LINGO2: variants seen among roughly 807,000 people sequenced by gnomAD.
LINGO2 encodes leucine-rich repeat and immunoglobulin-like domain-containing nogo receptor-interacting protein 2.
Under a neutral mutation model 30.6 loss-of-function variants are expected in LINGO2, and 14 were observed. The observed-to-expected ratio is 0.46, with a 90% CI of 0.30 to 0.72. The LOEUF (loss-of-function observed/expected upper bound fraction) is 0.72, where lower values mean the gene tolerates loss of function less well. Among genes scored for constraint, LINGO2 ranks in the 30% least tolerant of loss-of-function variants. The probability of loss-of-function intolerance (pLI) is 0.07; values close to 1 mark genes in which losing one functional copy is unlikely to be tolerated. For missense variants in LINGO2, 729 were observed against 751.7 expected, an observed-to-expected ratio of 0.97 and a Z score of 0.35; for synonymous variants, 317 against 288.5, an observed-to-expected ratio of 1.10 and a Z score of -1.00.
At chr9:28,179,591 C>G (rs1490792207) in intron 4 of LINGO2, among the ~76,000 whole-genome samples, 1 of 121,162 alleles carries the variant, frequency 8.3e-6, no homozygotes, top group African/African-American at 3.0e-5. Flanking sequence ...GTATTTTATA[C>G]TATATATACT....
At chr9:28,830,444 C>G in the LINGO2 span, among the ~76,000 whole-genome samples, 151 of 152,162 alleles carry the variant, frequency 9.9e-4, no homozygotes, top group Non-Finnish European at 1.8e-3. Context: ...AAATAGGAGT[C>G]ACTGAAGGCT....
chr9:28,953,686 T>C, the LINGO2 span, among the ~76,000 whole-genome samples: 2 of 152,096 alleles, frequency 1.3e-5, no homozygotes, highest in Non-Finnish European at 2.9e-5. Flanking sequence ...TAGTCTGATA[T>C]AGACATGTAT....
chr9:28,135,044 A>G (rs1409636416), intron 4 of LINGO2, among the ~76,000 whole-genome samples: 1 of 152,228 alleles, frequency 6.6e-6, no homozygotes, highest in African/African-American at 2.4e-5. Context: ...GTTCCAGTAA[A>G]ATCTTCTACA....
intron 4 of LINGO2, among the ~76,000 whole-genome samples, chr9:28,178,845 A>G (rs1828819568): frequency 6.6e-6 from 1 of 152,164 alleles, no homozygotes; most frequent in Non-Finnish European, 1.5e-5. Flanking sequence ...CAAGAAGTGA[A>G]TAGTCCAGTG....
the LINGO2 span, among the ~76,000 whole-genome samples, chr9:29,037,599 A>C: frequency 6.6e-6 from 1 of 152,026 alleles, no homozygotes; most frequent in African/African-American, 2.4e-5. Context: ...GAAGATTAAA[A>C]TATTATCCAA....
intron 3 of LINGO2, among the ~76,000 whole-genome samples, chr9:28,352,240 A>T (rs951851199): frequency 5.3e-5 from 8 of 151,834 alleles, no homozygotes; most frequent in African/African-American, 1.7e-4. Flanking sequence ...ATGATTGTAT[A>T]TCTAGAAAAC....
At chr9:29,001,124 A>G in the LINGO2 span, among the ~76,000 whole-genome samples, 1 of 151,772 alleles carries the variant, frequency 6.6e-6, no homozygotes, top group African/African-American at 2.4e-5. Flanking sequence ...AGAGAGAGAG[A>G]AGTAGACTGC....
chr9:28,373,079 T>C (rs1007179471), intron 2 of LINGO2, among the ~76,000 whole-genome samples: 1 of 152,140 alleles, frequency 6.6e-6, no homozygotes, highest in South Asian at 2.1e-4. Flanking sequence ...CTTTTTAAAT[T>C]TTGTCATAAT....
chr9:28,350,890 TG>T (rs1415090488), intron 3 of LINGO2, among the ~76,000 whole-genome samples: 1 of 152,066 alleles, frequency 6.6e-6, no homozygotes, highest in East Asian at 1.9e-4. Context: ...AACCTGCTCC[TG>T]AATGACTACT....
the LINGO2 span, among the ~76,000 whole-genome samples, chr9:28,754,488 A>T: frequency 6.6e-6 from 1 of 152,012 alleles, no homozygotes; most frequent in Non-Finnish European, 1.5e-5. Context: ...TCAAATCCAA[A>T]TCTACAGGAA....
intron 4 of LINGO2, among the ~76,000 whole-genome samples, chr9:28,251,156 C>T (rs1822185614): frequency 6.6e-6 from 1 of 152,132 alleles, no homozygotes; most frequent in Non-Finnish European, 1.5e-5. Context: ...TCTGTGAATT[C>T]TTTCTCTGCC....
chr9:28,673,749 T>G (rs571065779), upstream of LINGO2, among the ~76,000 whole-genome samples: 1 of 152,022 alleles, frequency 6.6e-6, no homozygotes, highest in South Asian at 2.1e-4. Context: ...AAAATCAGTT[T>G]CATAAGAATT....
At chr9:28,613,874 T>C (rs1262916704) in intron 1 of LINGO2, among the ~76,000 whole-genome samples, 1 of 152,196 alleles carries the variant, frequency 6.6e-6, no homozygotes, top group African/African-American at 2.4e-5. Flanking sequence ...TAAATACTTA[T>C]GGATATCCAC....
chr9:28,929,543 G>A, the LINGO2 span, among the ~76,000 whole-genome samples: 1 of 152,228 alleles, frequency 6.6e-6, no homozygotes, highest in South Asian at 2.1e-4. Flanking sequence ...CATATCTGGA[G>A]GGCCTCAGCA....
chr9:28,085,754 T>C (rs1404474486), intron 4 of LINGO2, among the ~76,000 whole-genome samples: 3 of 152,064 alleles, frequency 2.0e-5, no homozygotes, highest in African/African-American at 7.2e-5. Context: ...CTGAGACAGA[T>C]AAAATCTTTA....
the LINGO2 span, among the ~76,000 whole-genome samples, chr9:28,756,965 A>C: frequency 1.3e-5 from 2 of 152,056 alleles, no homozygotes; most frequent in African/African-American, 4.8e-5. Flanking sequence ...ATATCTCATA[A>C]ATGAGATAAG....
intron 4 of LINGO2, among the ~76,000 whole-genome samples, chr9:28,168,515 C>T (rs1274762345): frequency 1.3e-5 from 2 of 152,182 alleles, no homozygotes; most frequent in Non-Finnish European, 2.9e-5. Flanking sequence ...AAGTACCTTT[C>T]ATAACAGGTG....
At chr9:28,651,108 C>T (rs892730477) in intron 1 of LINGO2, among the ~76,000 whole-genome samples, 16 of 151,242 alleles carry the variant, frequency 1.1e-4, no homozygotes, top group African/African-American at 3.9e-4. Context: ...GGCATGAACC[C>T]GGAGGCAGAG....
chr9:28,585,402 G>A (rs1824479873), intron 1 of LINGO2, among the ~76,000 whole-genome samples: 1 of 151,866 alleles, frequency 6.6e-6, no homozygotes. Context: ...CAATTATTAG[G>A]GAAGATTATT....
Sources: gnomAD v4.1 joint callset for allele counts (sites outside exome capture counted in the v4.1 genomes callset) on GRCh38, gnomAD v4.1.1 for gene constraint, MANE v1.5 for transcripts, NCBI Gene and HGNC (gene_info 2026-07-23, HGNC 2026-07-21) for gene names.